SARNP: variants seen among roughly 807,000 people sequenced by gnomAD.
SARNP encodes the protein SAP domain containing ribonucleoprotein.
Under a neutral mutation model 38.1 loss-of-function variants are expected in SARNP, and 5 were observed. The ratio of observed to expected loss-of-function variants is 0.13; its 90% CI spans 0.07 to 0.28. The LOEUF (loss-of-function observed/expected upper bound fraction) is 0.28, where lower values mean the gene tolerates loss of function less well. Ranked by LOEUF, SARNP falls within the 10% of genes least tolerant of loss-of-function variation. SARNP has a pLI of 1.00. For missense variants in SARNP, 180 were observed against 243.9 expected (o/e 0.74, Z 1.75); for synonymous variants, 84 against 80.6 (o/e 1.04, Z -0.23).
At chr12:55,760,923 T>A (rs1056591458) in intron 9 of SARNP, 10 of 297,400 alleles carry the variant, frequency 3.4e-5, no homozygotes, top group African/African-American at 6.4e-5. Flanking sequence ...ACACCTGTAA[T>A]CCTAGCACTT....
intron 1 of SARNP, among the ~76,000 whole-genome samples, chr12:55,810,197 C>T (rs770944859): frequency 1.3e-5 from 2 of 152,206 alleles, no homozygotes; most frequent in Non-Finnish European, 2.9e-5. Flanking sequence ...ACTGCAGCCT[C>T]GACCTCCTGG....
chr12:55,813,047 G>C (rs2136209174), intron 1 of SARNP, among the ~76,000 whole-genome samples: 1 of 152,216 alleles, frequency 6.6e-6, no homozygotes, highest in Non-Finnish European at 1.5e-5. Flanking sequence ...CTGGGTTCAA[G>C]TGATTCTCCT....
intron 4 of SARNP, among the ~76,000 whole-genome samples, chr12:55,799,556 A>G (rs370456742): frequency 4.8e-5 from 1 of 20,880 alleles, no homozygotes; most frequent in South Asian, 2.3e-3. Flanking sequence ...ATAGAGTGTC[A>G]CACTTTTTTT....
intron 10 of SARNP, among the ~76,000 whole-genome samples, chr12:55,757,780 A>G (rs1004824507): frequency 3.9e-5 from 6 of 152,120 alleles, no homozygotes; most frequent in African/African-American, 7.2e-5. Flanking sequence ...AGGAGTAAAG[A>G]AGATTACTGG....
chr12:55,792,371 T>C (rs1450268369), intron 7 of SARNP, among the ~76,000 whole-genome samples: 1 of 151,968 alleles, frequency 6.6e-6, no homozygotes, highest in Non-Finnish European at 1.5e-5. Flanking sequence ...AAAGGGGCTA[T>C]GTTCTTTTTG....
chr12:55,802,358 T>C (rs1051610566), intron 2 of SARNP, among the ~76,000 whole-genome samples: 1 of 151,994 alleles, frequency 6.6e-6, no homozygotes, highest in African/African-American at 2.4e-5. Flanking sequence ...TATTAGTATA[T>C]AGGATATAGT....
intron 10 of SARNP, among the ~76,000 whole-genome samples, chr12:55,758,629 A>G (rs991536003): frequency 1.3e-5 from 2 of 151,902 alleles, no homozygotes; most frequent in African/African-American, 2.4e-5. Flanking sequence ...TGGACGACAG[A>G]GCGAGACTCC....
intron 1 of SARNP, among the ~76,000 whole-genome samples, chr12:55,807,926 ATTT>A (rs1329972341): frequency 6.6e-6 from 1 of 152,032 alleles, no homozygotes; most frequent in Non-Finnish European, 1.5e-5. Flanking sequence ...TACACTTTAA[ATTT>A]TTTGTTTGTT....
chr12:55,790,461 A>G, intron 8 of SARNP, 106 bp downstream of exon 8: 1 of 1,261,552 alleles, frequency 7.9e-7, no homozygotes, highest in Non-Finnish European at 1.1e-6. Context: ...AGAGTCAACA[A>G]ATTAATGTTC....
intron 1 of SARNP, among the ~76,000 whole-genome samples, chr12:55,807,109 G>C (rs950174506): frequency 2.0e-5 from 3 of 152,118 alleles, no homozygotes; most frequent in Admixed American, 2.0e-4. Context: ...TAAATAGGTA[G>C]GCTGATAAGG....
chr12:55,790,535 G>A (rs773047347), intron 8 of SARNP, 32 bp downstream of exon 8: 106 of 1,554,986 alleles, frequency 6.8e-5, no homozygotes, highest in Non-Finnish European at 8.7e-5. Context: ...ATTAAGATCT[G>A]GGTGTGTAAG....
intron 1 of SARNP, among the ~76,000 whole-genome samples, chr12:55,812,233 C>G (rs1382146932): frequency 6.6e-6 from 1 of 152,186 alleles, no homozygotes; most frequent in Non-Finnish European, 1.5e-5. Flanking sequence ...TTTTTGTAAA[C>G]ATCTCCTTGT....
intron 1 of SARNP, among the ~76,000 whole-genome samples, chr12:55,804,108 T>C (rs1242977362): frequency 1.3e-5 from 2 of 152,172 alleles, no homozygotes; most frequent in East Asian, 1.9e-4. Flanking sequence ...GAAAATCCAA[T>C]GATCTAAAAG....
At chr12:55,760,827 G>A (rs141216483) in intron 9 of SARNP, 187 bp from the exon 10 acceptor site, 2 of 524,188 alleles carry the variant, frequency 3.8e-6, no homozygotes, top group African/African-American at 3.8e-5. Flanking sequence ...TACCTAGAAT[G>A]ACTAAAAACT....
At chr12:55,762,286 TCCAAA>T (rs1878699966) in intron 9 of SARNP, among the ~76,000 whole-genome samples, 1 of 149,830 alleles carries the variant, frequency 6.7e-6, no homozygotes. Flanking sequence ...GGACTCCGTC[TCCAAA>T]GAGTTCAAAC....
intron 1 of SARNP, among the ~76,000 whole-genome samples, chr12:55,811,294 T>A (rs543169516): frequency 4.5e-4 from 69 of 152,010 alleles, no homozygotes; most frequent in African/African-American, 1.6e-3. Flanking sequence ...TGGTGGCTCA[T>A]GCCTGTAATC....
intron 9 of SARNP, chr12:55,761,750 CATCTT>C (rs1878682282): frequency 6.6e-6 from 1 of 152,198 alleles, no homozygotes; most frequent in Non-Finnish European, 1.5e-5. Context: ...CTCCCCCTCA[CATCTT>C]ATCACCAGTC....
intron 9 of SARNP, among the ~76,000 whole-genome samples, chr12:55,769,214 T>C (rs1878935083): frequency 6.6e-6 from 1 of 152,230 alleles, no homozygotes; most frequent in Non-Finnish European, 1.5e-5. Context: ...TCTCTTTCAC[T>C]GAATTATGTG....
At chr12:55,758,222 C>A (rs1878573159) in intron 10 of SARNP, among the ~76,000 whole-genome samples, 1 of 152,212 alleles carries the variant, frequency 6.6e-6, no homozygotes, top group Non-Finnish European at 1.5e-5. Context: ...CCTTCATGGG[C>A]ACTCCCAACC....
Sources: gnomAD v4.1 joint callset for allele counts (sites outside exome capture counted in the v4.1 genomes callset) on GRCh38, gnomAD v4.1.1 for gene constraint, MANE v1.5 for transcripts, NCBI Gene and HGNC (gene_info 2026-07-23, HGNC 2026-07-21) for gene names.